Variants in PALLD observed in about 807,000 individuals in gnomAD.
PALLD encodes the protein palladin.
In PALLD, 61 loss-of-function variants were observed where a neutral mutation model predicts 123.5. The ratio of observed to expected loss-of-function variants is 0.49; its 90% confidence interval spans 0.40 to 0.61. PALLD has a LOEUF of 0.61. Ranked by LOEUF, PALLD falls within the 20% of genes least tolerant of loss-of-function variation. PALLD has a pLI of 0.00. For synonymous variants in PALLD, 465 were observed against 496.4 expected (o/e 0.94, Z 0.84); for missense variants, 1,273 against 1,377.0 (o/e 0.92, Z 1.20).
Position 168,653,794 on chromosome 4 carries a change from G to T in PALLD, c.909-14396G>T, listed in dbSNP as rs138533842. Among the ~76,000 whole-genome samples the T allele has an allele frequency of 2.9e-3, 434 of 152,046 alleles. 2 individuals carry two copies. The highest frequency in any genetic ancestry group is 1.0e-2 in the African/African-American group (413 of 41,472). On this transcript the variant is annotated intron_variant, in intron 2 of 21. Coordinates refer to ENST00000505667, the MANE Select transcript of PALLD (RefSeq NM_001166108.2). The stretch of plus-strand genomic sequence containing the variant: ...CAGCTCACTGCAACCTCTGCCTCCC[G>T]GGTTCACGCCATTCTCCTGCCTCAG...
At position 168,711,696 on chromosome 4, in the gene PALLD, G is replaced by C; in HGVS notation, c.1737G>C (p.Lys579Asn). The change falls in exon 10 of 22, where the codon AAG (lysine) becomes AAC (asparagine). Residue 579 changes from lysine to asparagine, a missense_variant. Lys to Asn is a moderately conservative substitution (Grantham distance 94). Transcript: ENST00000505667. Reference protein sequence around the residue: ...LETSSLELASKKPSEIQQVNN... With the variant: ...LETSSLELASNKPSEIQQVNN... ...CAAGTTCCTTGGAGTTGGCTTCAAA[G>C]AAACCATCTGAGATCCAGCAGGTGA... 6.2e-7 allele frequency: 1 copy of C among 1,614,090 alleles called. No individual in the cohort carries two copies. Among genetic ancestry groups the C allele is most frequent in the Non-Finnish European group, 8.5e-7 (1 of 1,179,990 alleles).
intron 2 of PALLD, among the ~76,000 whole-genome samples, chr4:168,627,338 C>G (rs1403669933): frequency 6.6e-6 from 1 of 152,112 alleles, no homozygotes; most frequent in Non-Finnish European, 1.5e-5. Context: ...GGCGAAAACC[C>G]ATTTCTACTA....
intron 8 of PALLD, among the ~76,000 whole-genome samples, chr4:168,708,235 T>C (rs192183414): frequency 1.3e-5 from 2 of 152,330 alleles, no homozygotes; most frequent in Admixed American, 1.3e-4. Context: ...ACCTAGTGTA[T>C]AGTAAGGGTT....
rs755942969 is a variant in PALLD, at chr4:168,658,284, G to GTTTTTTTTTTTTTTTTTTTT, written c.909-9906_909-9905insTTTTTTTTTTTTTTTTTTTT. Among the ~76,000 whole-genome samples the GTTTTTTTTTTTTTTTTTTTT allele has an allele frequency of 5.0e-5, 6 of 120,770 alleles. 1 individual carries two copies. The highest frequency in any genetic ancestry group is 3.5e-5 in the African/African-American group (1 of 28,926). 79.2% of individuals were successfully genotyped at this position (120,770 alleles called of 152,430 possible). The stretch of plus-strand genomic sequence containing the variant: ...TTTTGTTGGTGGTGGGTTTTTATTT[G>GTTTTTTTTTTTTTTTTTTTT]GTTTTTTTTTTTTTTTTTGTGATGA... On this transcript the variant is annotated intron_variant, in intron 2 of 21. Transcript: ENST00000505667.
At chr4:168,580,620 C>T (rs977134148) in intron 2 of PALLD, among the ~76,000 whole-genome samples, 7 of 151,886 alleles carry the variant, frequency 4.6e-5, no homozygotes, top group African/African-American at 7.3e-5. Flanking sequence ...ATCACATTAC[C>T]GGGTATATAG....
intron 2 of PALLD, among the ~76,000 whole-genome samples, chr4:168,617,608 C>T (rs796691729): frequency 1.6e-4 from 24 of 152,286 alleles, no homozygotes; most frequent in African/African-American, 5.8e-4. Context: ...TAGGCAGAGT[C>T]AGACTCCCTG....
intron 2 of PALLD, among the ~76,000 whole-genome samples, chr4:168,548,053 CAAACAA>C (rs1470886757): frequency 6.9e-6 from 1 of 144,354 alleles, no homozygotes; most frequent in Non-Finnish European, 1.6e-5. Context: ...AACAAACAAA[CAAACAA>C]AAAAGTCTCC....
intron 10 of PALLD, among the ~76,000 whole-genome samples, chr4:168,872,899 G>A (rs141683236): frequency 1.3e-4 from 20 of 152,212 alleles, no homozygotes; most frequent in African/African-American, 4.6e-4. Flanking sequence ...GAACTGAATC[G>A]GTACTACCTG....
chr4:168,678,305 A>G (rs1169565165), intron 3 of PALLD, among the ~76,000 whole-genome samples: 5 of 152,114 alleles, frequency 3.3e-5, no homozygotes, highest in Non-Finnish European at 7.3e-5. Context: ...TGATGATTAA[A>G]TGAGGTAAAG....
At chr4:168,666,049 A>AT (rs1049906778) in intron 2 of PALLD, among the ~76,000 whole-genome samples, 1 of 151,740 alleles carries the variant, frequency 6.6e-6, no homozygotes, top group African/African-American at 2.4e-5. Flanking sequence ...TCTTCTTTTG[A>AT]TTTTTTTCAA....
At chr4:168,719,052 C>T (rs1254745707) in intron 10 of PALLD, among the ~76,000 whole-genome samples, 5 of 150,560 alleles carry the variant, frequency 3.3e-5, no homozygotes, top group Admixed American at 1.3e-4. Context: ...GAATTATGGA[C>T]GTGTACCACA....
At chr4:168,872,186 G>A (rs1009907724) in intron 10 of PALLD, among the ~76,000 whole-genome samples, 13 of 152,164 alleles carry the variant, frequency 8.5e-5, no homozygotes, top group Non-Finnish European at 1.3e-4. Flanking sequence ...CTATCGGTAC[G>A]TGGAATGACT....
At position 168,927,736 on chromosome 4, in the gene PALLD, A is replaced by AT. The variant is rs1762738036; in HGVS notation, c.*1560dup. On this transcript the variant is annotated 3_prime_UTR_variant, in exon 22 of 22. Coordinates refer to ENST00000505667, the MANE Select transcript of PALLD (RefSeq NM_001166108.2). ...AAAGACTGCTTTTTGAATGCATATG[A>AT]TTTTGCATCAGCTAGACTGAGTTGA... 9.0e-6 allele frequency: 2 copies of AT among 222,390 alleles called. No individual in the cohort carries two copies. Among genetic ancestry groups the AT allele is most frequent in the Admixed American group, 5.8e-5 (1 of 17,366 alleles). 13.8% of individuals were successfully genotyped at this position (222,390 alleles called of 1,614,324 possible).
chr4:168,885,219 T>C (rs1384663598), intron 10 of PALLD: 2 of 152,234 alleles, frequency 1.3e-5, no homozygotes, highest in African/African-American at 4.8e-5. Flanking sequence ...TTCTTTTTTA[T>C]TCCCATTGCA....
In PALLD at chr4:168,683,181, A is replaced by G. The variant is rs374534742; in HGVS notation, c.1260+78A>G. On this transcript the variant is annotated intron_variant, in intron 5 of 21. Coordinates refer to ENST00000505667, the MANE Select transcript of PALLD (RefSeq NM_001166108.2). ...TGTGGATTTTAAGAATATGACTTTG[A>G]TTCTAACTAGTATACTCCCTTGAAA... is the stretch of plus-strand genomic sequence containing the variant. The G allele has an allele frequency of 3.3e-5, 25 of 766,618 alleles. No homozygotes were observed. The African/African-American group carries it at 3.8e-4, about 12-fold the overall frequency. The allele number at this position is 766,618 out of a possible 1,614,324, so 47.5% of individuals were successfully genotyped here. A position where few individuals can be genotyped will look rare whatever the true frequency, so the allele number is the denominator to read the frequency against.
At chr4:168,770,113 C>A (rs62334289) in intron 10 of PALLD, among the ~76,000 whole-genome samples, 52,083 of 151,992 alleles carry the variant, frequency 0.34, 9,611 homozygotes, top group Non-Finnish European at 0.43. Context: ...GGGCAACATT[C>A]ATAGGTCAGG....
At chr4:168,566,095 T>C (rs1768348989) in intron 2 of PALLD, among the ~76,000 whole-genome samples, 1 of 152,190 alleles carries the variant, frequency 6.6e-6, no homozygotes, top group African/African-American at 2.4e-5. Context: ...CTCTTAGCAC[T>C]TAGCCAATCT....
intron 10 of PALLD, among the ~76,000 whole-genome samples, chr4:168,825,754 A>G (rs1743330212): frequency 6.6e-6 from 1 of 152,206 alleles, no homozygotes; most frequent in Admixed American, 6.5e-5. Context: ...TCTGCGAGCA[A>G]CAATGGAATC....
At position 168,847,154 on chromosome 4, in the gene PALLD, A is replaced by G. The variant is rs552332625; in HGVS notation, c.1965-43768A>G. 4.0e-3 allele frequency among the ~76,000 whole-genome samples: 606 copies of G among 152,310 alleles called. 3 individuals carry two copies. The highest frequency in any genetic ancestry group is 0.012 in the African/African-American group (514 of 41,564). ...AAGAACTTTTTTGAGGGCAATTTAT[A>G]CCCATTAAAATGTCAAATTCACATA... On this transcript the variant is annotated intron_variant, in intron 10 of 21. Transcript: ENST00000505667.
Sources: allele counts gnomAD v4.1 joint callset (sites outside exome capture counted in the v4.1 genomes callset), GRCh38; gene constraint gnomAD v4.1.1; transcripts MANE v1.5; gene names NCBI Gene and HGNC (gene_info 2026-07-23, HGNC 2026-07-21).